Variants in TMEFF2 observed in about 807,000 individuals in gnomAD.
The protein encoded by TMEFF2 is transmembrane protein with EGF like and two follistatin like domains 2, also known as tomoregulin-2.
A neutral mutation model predicts 53.8 loss-of-function variants in TMEFF2; 28 were observed. That is an observed-to-expected ratio of 0.52 (90% CI 0.39 to 0.71). TMEFF2 has a LOEUF of 0.71. TMEFF2 is among the 30% of genes least tolerant of loss of function. The pLI is 0.00. For missense variants in TMEFF2, 353 were observed against 455.2 expected (o/e 0.78, Z 2.04); for synonymous variants, 162 against 166.3 (o/e 0.97, Z 0.20).
chr2:192,064,519 T>A (rs949434258), intron 4 of TMEFF2, among the ~76,000 whole-genome samples: 6 of 151,894 alleles, frequency 4.0e-5, no homozygotes, highest in Non-Finnish European at 5.9e-5. Context: ...CCTTAACTTT[T>A]CAAGACTTAT....
At chr2:192,169,176 A>G (rs1690846166) in intron 4 of TMEFF2, among the ~76,000 whole-genome samples, 1 of 152,150 alleles carries the variant, frequency 6.6e-6, no homozygotes, top group Admixed American at 6.6e-5. Flanking sequence ...AATGAATCAG[A>G]CTGATGATAC....
At chr2:191,958,228 T>C (rs975588250) in intron 7 of TMEFF2, among the ~76,000 whole-genome samples, 5 of 152,190 alleles carry the variant, frequency 3.3e-5, no homozygotes, top group Admixed American at 6.5e-5. Flanking sequence ...GCTGGTGTAA[T>C]GAACCAGCTC....
At chr2:192,075,285 T>TTATATATATATAAATATATATATA (rs1688382757) in intron 4 of TMEFF2, among the ~76,000 whole-genome samples, 1 of 65,776 alleles carries the variant, frequency 1.5e-5, no homozygotes, top group East Asian at 2.1e-3. Context: ...TACAGTACTA[T>TTATATATATATAAATATATATATA]TATATATATA....
chr2:191,975,269 T>C (rs1559068527), intron 7 of TMEFF2, among the ~76,000 whole-genome samples: 2 of 138,156 alleles, frequency 1.4e-5, no homozygotes, highest in Non-Finnish European at 3.2e-5. Context: ...TTTCTTCTTT[T>C]TTTTTTTTTT....
intron 4 of TMEFF2, among the ~76,000 whole-genome samples, chr2:192,124,952 A>G (rs1002977347): frequency 6.6e-6 from 1 of 152,126 alleles, no homozygotes; most frequent in Non-Finnish European, 1.5e-5. Context: ...TGTCTATTGT[A>G]TACCCAGAAT....
intron 4 of TMEFF2, among the ~76,000 whole-genome samples, chr2:192,175,549 A>G (rs1313888111): frequency 1.3e-5 from 2 of 151,676 alleles, no homozygotes; most frequent in Admixed American, 6.6e-5. Context: ...ACAAATAAAC[A>G]TAAATTTAAT....
intron 4 of TMEFF2, among the ~76,000 whole-genome samples, chr2:192,115,985 T>C (rs535565647): frequency 2.0e-5 from 3 of 152,076 alleles, no homozygotes; most frequent in African/African-American, 7.2e-5. Context: ...TTCTTCTGGG[T>C]ATATACCAGA....
chr2:192,018,829 TTTC>T (rs1686797810), intron 5 of TMEFF2, among the ~76,000 whole-genome samples: 7 of 152,176 alleles, frequency 4.6e-5, no homozygotes, highest in Non-Finnish European at 1.0e-4. Context: ...CTTGTATTTT[TTTC>T]AAGGTAGCAA....
intron 4 of TMEFF2, among the ~76,000 whole-genome samples, chr2:192,096,592 AAT>A (rs1290627640): frequency 6.7e-6 from 1 of 150,370 alleles, no homozygotes; most frequent in Admixed American, 6.6e-5. Context: ...CTAAAACACC[AAT>A]ATATATTTTA....
chr2:192,133,644 G>T (rs1426467566), intron 4 of TMEFF2, among the ~76,000 whole-genome samples: 2 of 152,044 alleles, frequency 1.3e-5, no homozygotes, highest in South Asian at 4.1e-4. Flanking sequence ...TCCACAATCC[G>T]TTATTCTGTT....
At chr2:191,984,779 C>T (rs1304713100) in intron 7 of TMEFF2, among the ~76,000 whole-genome samples, 1 of 152,006 alleles carries the variant, frequency 6.6e-6, no homozygotes, top group Non-Finnish European at 1.5e-5. Context: ...CTCCAAAGAG[C>T]CCTTATCCTT....
chr2:192,092,375 C>A (rs1688809717), intron 4 of TMEFF2, among the ~76,000 whole-genome samples: 2 of 151,994 alleles, frequency 1.3e-5, no homozygotes, highest in Admixed American at 6.6e-5. Context: ...ATGTGGTACA[C>A]AAAGATACTT....
intron 4 of TMEFF2, among the ~76,000 whole-genome samples, chr2:192,164,290 T>TG (rs776349966): frequency 2.0e-5 from 3 of 152,264 alleles, no homozygotes; most frequent in East Asian, 3.9e-4. Context: ...CTTAGGGCAT[T>TG]GGCCTGTGCT....
intron 3 of TMEFF2, among the ~76,000 whole-genome samples, chr2:192,182,416 G>A (rs1438030859): frequency 6.6e-6 from 1 of 151,930 alleles, no homozygotes; most frequent in African/African-American, 2.4e-5. Context: ...AGCAAGACTG[G>A]CTTACTAATT....
intron 4 of TMEFF2, among the ~76,000 whole-genome samples, chr2:192,114,694 GAATAA>G (rs1559132485): frequency 1.3e-5 from 2 of 151,870 alleles, no homozygotes; most frequent in East Asian, 3.9e-4. Context: ...GCATCTAAAA[GAATAA>G]AATACTTGTA....
intron 5 of TMEFF2, among the ~76,000 whole-genome samples, chr2:192,014,982 G>C (rs777019129): frequency 6.6e-6 from 1 of 152,230 alleles, no homozygotes; most frequent in African/African-American, 2.4e-5. Flanking sequence ...TACTCATAAG[G>C]CATCTTTGCA....
rs200792631 is a variant in TMEFF2, at chr2:192,037,292, A to AG, written c.536+20386dup. On this transcript the variant is annotated intron_variant, in intron 5 of 9. Coordinates refer to ENST00000272771, the MANE Select transcript of TMEFF2 (RefSeq NM_016192.4). ...CCAAAATAAAGAAAGAAAGAAAGAAAGAAAGAAAGAAAGAAAGAAAGAAAG... is the reference window on the plus strand; with the variant it reads ...CCAAAATAAAGAAAGAAAGAAAGAAAGGAAAGAAAGAAAGAAAGAAAGAAAG... Among the ~76,000 whole-genome samples the AG allele has an allele frequency of 8.2e-3, 1,135 of 137,800 alleles. 32 individuals carry two copies. The highest frequency in any genetic ancestry group is 0.035 in the African/African-American group (1,061 of 30,226). The allele number at this position is 137,800 out of a possible 152,430, so 90.4% of individuals were successfully genotyped here. A position where few individuals can be genotyped will look rare whatever the true frequency, so the allele number is the denominator to read the frequency against.
Position 192,102,813 on chromosome 2 carries a change from T to C in TMEFF2, c.440-45038A>G, listed in dbSNP as rs1006240875. Reference sequence around the variant, plus strand: ...CTTGAAATCCTGACTTCAGGTGATCTGCCCACCTCAACCTCCGAAAGTATT... The same window carrying C: ...CTTGAAATCCTGACTTCAGGTGATCCGCCCACCTCAACCTCCGAAAGTATT... On this transcript the variant is annotated intron_variant, in intron 4 of 9. Transcript: ENST00000272771. Among the ~76,000 whole-genome samples, 3 of 151,768 alleles carry C rather than the reference T, an allele frequency of 2.0e-5. No homozygotes were observed. The East Asian group carries it at 5.8e-4, about 29-fold the overall frequency.
intron 7 of TMEFF2, among the ~76,000 whole-genome samples, chr2:191,973,937 G>A (rs1692728079): frequency 6.6e-6 from 1 of 152,146 alleles, no homozygotes; most frequent in African/African-American, 2.4e-5. Context: ...ATGATTGTAA[G>A]TTTCCTGAGG....
Sources: gnomAD v4.1 joint callset for allele counts (sites outside exome capture counted in the v4.1 genomes callset) on GRCh38, gnomAD v4.1.1 for gene constraint, MANE v1.5 for transcripts, NCBI Gene and HGNC (gene_info 2026-07-23, HGNC 2026-07-21) for gene names.